The following ROBO1 variants were observed in gnomAD, a reference collection of about 807,000 sequenced individuals.
ROBO1 encodes roundabout guidance receptor 1.
A neutral mutation model predicts 195.9 loss-of-function variants in ROBO1; 149 were observed. That is an observed-to-expected ratio of 0.76 (90% confidence interval 0.67 to 0.87). The LOEUF is 0.87. ROBO1 is among the 40% of genes least tolerant of loss of function. The pLI, the probability that ROBO1 is intolerant of heterozygous loss-of-function variation, is 0.00. For missense variants in ROBO1, 1,933 were observed against 2,068.3 expected (o/e 0.93, Z 1.27); for synonymous variants, 816 against 733.2 (o/e 1.11, Z -1.82).
intron 1 of ROBO1, among the ~76,000 whole-genome samples, chr3:79,708,686 G>T (rs1422139386): frequency 6.6e-6 from 1 of 152,244 alleles, no homozygotes; most frequent in African/African-American, 2.4e-5. Context: ...AACAGAGTGA[G>T]ACTTTGTGTC....
At chr3:78,654,587 G>A (rs1575849932) in intron 18 of ROBO1, among the ~76,000 whole-genome samples, 1 of 152,170 alleles carries the variant, frequency 6.6e-6, no homozygotes, top group African/African-American at 2.4e-5. Context: ...ACAGCCAAGA[G>A]AGGTCCTATG....
intron 2 of ROBO1, among the ~76,000 whole-genome samples, chr3:79,241,833 G>C (rs1023456414): frequency 2.0e-5 from 3 of 151,694 alleles, no homozygotes; most frequent in African/African-American, 7.3e-5. Flanking sequence ...TTAGAGTAAT[G>C]ATGCAAATTC....
Position 78,662,264 on chromosome 3 carries a change from T to C in ROBO1, c.1967-150A>G, listed in dbSNP as rs546488033. ...ATTCGGAAAAAAAAAAAAAAAGGAA[T>C]AATTTAACCTTTTTATTAGGATCAG... On this transcript the variant is annotated intron_variant, in intron 14 of 30. Transcript: ENST00000464233. The C allele has an allele frequency of 4.6e-5, 32 of 690,792 alleles. No homozygotes were observed. In the Admixed American group the frequency reaches 6.1e-4, roughly 13 times the overall value. 42.8% of individuals were successfully genotyped at this position (690,792 alleles called of 1,614,324 possible). A position where few individuals can be genotyped will look rare whatever the true frequency, so the allele number is the denominator to read the frequency against.
chr3:78,674,285 T>C (rs1708263926), intron 10 of ROBO1, among the ~76,000 whole-genome samples: 1 of 152,200 alleles, frequency 6.6e-6, no homozygotes, highest in African/African-American at 2.4e-5. Flanking sequence ...CTTCTGTGCT[T>C]CATGTTTGAT....
At chr3:79,420,690 C>T (rs1427134822) in intron 2 of ROBO1, among the ~76,000 whole-genome samples, 1 of 152,074 alleles carries the variant, frequency 6.6e-6, no homozygotes, top group African/African-American at 2.4e-5. Context: ...GCACCTGACC[C>T]TTGAGGTTGG....
At chr3:79,606,423 G>A (rs1339073001) in intron 1 of ROBO1, among the ~76,000 whole-genome samples, 1 of 151,854 alleles carries the variant, frequency 6.6e-6, no homozygotes, top group African/African-American at 2.4e-5. Flanking sequence ...CAGCCAAATT[G>A]TCTTTGCTAA....
intron 4 of ROBO1, among the ~76,000 whole-genome samples, chr3:78,923,011 T>C (rs1198477784): frequency 6.6e-6 from 1 of 152,182 alleles, no homozygotes; most frequent in Non-Finnish European, 1.5e-5. Context: ...ATCTCTTATC[T>C]GGATAATGCC....
At chr3:79,550,195 G>GAAAGGAAAGGAAAGGAAGAAAAGAAAA in intron 2 of ROBO1, among the ~76,000 whole-genome samples, 1 of 100,812 alleles carries the variant, frequency 9.9e-6, no homozygotes, top group Non-Finnish European at 1.9e-5. Flanking sequence ...AAGAAAGAAA[G>GAAAGGAAAGGAAAGGAAGAAAAGAAAA]GAAAAGAAAA....
intron 2 of ROBO1, among the ~76,000 whole-genome samples, chr3:79,330,743 T>C (rs973180632): frequency 7.0e-6 from 1 of 142,096 alleles, no homozygotes; most frequent in Non-Finnish European, 1.5e-5. Flanking sequence ...TTCGTAGAAA[T>C]ATAATGACAG....
At chr3:79,323,008 A>G (rs891361678) in intron 2 of ROBO1, among the ~76,000 whole-genome samples, 2 of 151,814 alleles carry the variant, frequency 1.3e-5, no homozygotes, top group African/African-American at 4.8e-5. Context: ...TAATTTTAGA[A>G]TTTCATTTTG....
intron 3 of ROBO1, among the ~76,000 whole-genome samples, chr3:78,947,260 C>T (rs949273683): frequency 6.6e-6 from 1 of 152,086 alleles, no homozygotes; most frequent in African/African-American, 2.4e-5. Flanking sequence ...CAAAACTGAC[C>T]ACATAGTAGG....
intron 14 of ROBO1, among the ~76,000 whole-genome samples, chr3:78,666,721 T>C (rs1707757905): frequency 6.6e-6 from 1 of 152,134 alleles, no homozygotes; most frequent in African/African-American, 2.4e-5. Context: ...TTCTGCAAAT[T>C]CTGAAACAAA....
At chr3:79,367,067 T>C (rs745448011) in intron 2 of ROBO1, among the ~76,000 whole-genome samples, 6 of 152,248 alleles carry the variant, frequency 3.9e-5, no homozygotes, top group Admixed American at 1.3e-4. Context: ...ATTATAATTA[T>C]TTAATCTACA....
intron 2 of ROBO1, among the ~76,000 whole-genome samples, chr3:79,252,619 T>G (rs2082752405): frequency 6.6e-6 from 1 of 152,160 alleles, no homozygotes; most frequent in Admixed American, 6.5e-5. Flanking sequence ...CCCAGGGAAC[T>G]AATAAAGCAT....
chr3:78,636,223 G>T, intron 22 of ROBO1, 115 bp from the exon 23 acceptor site: 1 of 663,640 alleles, frequency 1.5e-6, no homozygotes, highest in Non-Finnish European at 2.5e-6. Context: ...GTACAAGTGG[G>T]CTTAAATAAG....
At chr3:78,599,949 A>G in intron 30 of ROBO1, 164 bp downstream of exon 30, 5 of 681,946 alleles carry the variant, frequency 7.3e-6, no homozygotes, top group Non-Finnish European at 1.3e-5. Flanking sequence ...ACATTTCAAG[A>G]AAATTCTCAA....
At chr3:78,632,336 G>A (rs1238723483) in intron 24 of ROBO1, among the ~76,000 whole-genome samples, 1 of 152,134 alleles carries the variant, frequency 6.6e-6, no homozygotes, top group Non-Finnish European at 1.5e-5. Context: ...AGATGTTCTT[G>A]TACTGGTAGG....
At chr3:79,661,105 C>T (rs529432112) in intron 1 of ROBO1, among the ~76,000 whole-genome samples, 2 of 152,044 alleles carry the variant, frequency 1.3e-5, no homozygotes, top group Admixed American at 6.6e-5. Context: ...ACTACCCATA[C>T]GCCCCTTCTT....
intron 2 of ROBO1, among the ~76,000 whole-genome samples, chr3:79,339,738 C>T (rs901351286): frequency 6.6e-6 from 1 of 152,154 alleles, no homozygotes; most frequent in African/African-American, 2.4e-5. Flanking sequence ...AAAATTTTGT[C>T]TGTGTACTGC....
Sources: gnomAD v4.1 joint callset for allele counts (sites outside exome capture counted in the v4.1 genomes callset) on GRCh38, gnomAD v4.1.1 for gene constraint, MANE v1.5 for transcripts, NCBI Gene and HGNC (gene_info 2026-07-23, HGNC 2026-07-21) for gene names.